FURIN: variants seen among roughly 807,000 people sequenced by gnomAD.
The protein encoded by FURIN is furin, paired basic amino acid cleaving enzyme.
A neutral mutation model predicts 89.2 loss-of-function variants in FURIN; 18 were observed. The observed-to-expected ratio is 0.20, with a 90% CI of 0.14 to 0.30. FURIN has a LOEUF of 0.30. Among genes scored for constraint, FURIN ranks in the 10% least tolerant of loss-of-function variants. FURIN has a pLI of 1.00. For synonymous variants in FURIN, 508 were observed against 466.4 expected (o/e 1.09, Z -1.15); for missense variants, 879 against 1,100.5 (o/e 0.80, Z 2.85).
intron 7 of FURIN, 75 bp downstream of exon 7, chr15:90,877,690 G>A (rs2031712774): frequency 2.1e-6 from 2 of 969,056 alleles, no homozygotes; most frequent in East Asian, 2.7e-5. Flanking sequence ...TTCCCATCTG[G>A]CCAATGCCTG....
At position 90,881,681 on chromosome 15, in the gene FURIN, G is replaced by A. The variant is rs773482678; in HGVS notation, c.2188G>A (p.Val730Ile). 1.4e-4 allele frequency: 215 copies of A among 1,587,484 alleles called. 1 individual carries two copies. In the East Asian group the frequency reaches 4.3e-3, roughly 32 times the overall value. The change falls in exon 16 of 16, where the codon GTC becomes ATC. Residue 730 changes from valine to isoleucine, a missense_variant. By Grantham distance (29) the Val-to-Ile change is conservative. Transcript: ENST00000268171. The surrounding 1 kb of genome is among the most constrained non-coding windows in gnomAD (Gnocchi z 4.3). ...LSCAFIVLVFVTVFLVLQLRS... is the reference protein window; with the variant it reads ...LSCAFIVLVFITVFLVLQLRS... ...CTGCGCCTTCATCGTGCTGGTCTTC[G>A]TCACTGTCTTCCTGGTCCTGCAGCT...
At chr15:90,877,495 T>C in intron 6 of FURIN, 32 bp from the exon 7 acceptor site, 1 of 1,530,502 alleles carries the variant, frequency 6.5e-7, no homozygotes, top group Non-Finnish European at 8.8e-7. Context: ...ACCCCATTTG[T>C]TCTACTCATG....
intron 1 of FURIN, 134 bp downstream of exon 1, chr15:90,868,845 G>A (rs1412278856): frequency 3.9e-5 from 6 of 152,220 alleles, no homozygotes; most frequent in African/African-American, 7.2e-5. Flanking sequence ...CCTTTCATTC[G>A]GAGAGAACAC....
At chr15:90,880,858 T>G in intron 14 of FURIN, 43 bp downstream of exon 14, 3 of 1,611,134 alleles carry the variant, frequency 1.9e-6, no homozygotes, top group Non-Finnish European at 2.5e-6. Flanking sequence ...GGTGGAGGGC[T>G]GGCAGGATCT....
chr15:90,875,518 G>A, intron 1 of FURIN, 64 bp from the exon 2 acceptor site: 1 of 460,598 alleles, frequency 2.2e-6, no homozygotes, highest in Non-Finnish European at 3.8e-6. Context: ...GGGCAGGGCA[G>A]CTTTAGTGCG....
chr15:90,869,973 C>G (rs1041625144), intron 1 of FURIN, among the ~76,000 whole-genome samples: 9 of 152,318 alleles, frequency 5.9e-5, no homozygotes, highest in Non-Finnish European at 1.2e-4. Context: ...CTGGCGCTAC[C>G]CAGTGTGGCC....
At chr15:90,879,327 C>G in intron 9 of FURIN, 117 bp from the exon 10 acceptor site, 2 of 793,762 alleles carry the variant, frequency 2.5e-6, no homozygotes, top group African/African-American at 1.7e-5. Context: ...GTTCTTGGCC[C>G]TGGCTCCCCA....
At chr15:90,873,350 A>T (rs370207966) in intron 1 of FURIN, among the ~76,000 whole-genome samples, 4 of 152,104 alleles carry the variant, frequency 2.6e-5, no homozygotes, top group African/African-American at 9.7e-5. Context: ...GCTGCAAGGT[A>T]ATTAAATAGT....
chr15:90,873,449 T>A (rs189365078), intron 1 of FURIN, among the ~76,000 whole-genome samples: 1 of 152,110 alleles, frequency 6.6e-6, no homozygotes, highest in Non-Finnish European at 1.5e-5. Flanking sequence ...CAGCCTCGAT[T>A]TGGGGGCTCC....
At chr15:90,880,306 C>T (rs111318669) in intron 13 of FURIN, 33 bp downstream of exon 13, 66 of 1,546,110 alleles carry the variant, frequency 4.3e-5, no homozygotes, top group East Asian at 4.1e-4. Context: ...CCCTGCCCAG[C>T]GCCGCCGCCT....
Position 90,877,538 on chromosome 15 carries a change from G to A in FURIN, c.590G>A (p.Arg197Gln). 2 of 1,575,110 alleles carry A rather than the reference G, an allele frequency of 1.3e-6. No individual in the cohort carries two copies. The highest frequency in any genetic ancestry group is 1.7e-6 in the Non-Finnish European group (2 of 1,160,112). The change falls in exon 7 of 16, where the codon CGG (arginine) becomes CAG (glutamine). Residue 197 changes from arginine (R) to glutamine (Q), a missense_variant. By Grantham distance (43) the Arg-to-Gln change is conservative. Coordinates refer to ENST00000268171, the MANE Select transcript of FURIN (RefSeq NM_002569.4). ...CTTGGCCCTGGCAGGCACGGCACAC[G>A]GTGTGCGGGGGAAGTGGCTGCGGTG... ...TQMNDNRHGT[R>Q]CAGEVAAVAN...
At position 90,876,376 on chromosome 15, in the gene FURIN, C is replaced by T; in HGVS notation, c.276+23C>T. ...CAAGTGAGTGTGGCCCCAGCCCCCT[C>T]CTGCTGCCACCCTCCCCCTCCTGCT... On this transcript the variant is annotated intron_variant, in intron 3 of 15. Transcript: ENST00000268171. This position sits in a 1 kb window ranked among gnomAD's most constrained non-coding sequence, Gnocchi z 5.0. 1 of 1,549,682 alleles carries T rather than the reference C, an allele frequency of 6.5e-7. No individual in the cohort carries two copies. Among genetic ancestry groups the T allele is most frequent in the East Asian group, 2.2e-5 (1 of 44,586 alleles).
chr15:90,880,879 G>T (rs768343716), intron 14 of FURIN, 51 bp from the exon 15 acceptor site: 2 of 1,610,244 alleles, frequency 1.2e-6, no homozygotes, highest in Admixed American at 1.7e-5. Context: ...CGAGCACTGG[G>T]TGTGGTGCCA....
chr15:90,880,385 G>GCACT, intron 13 of FURIN, 112 bp downstream of exon 13: 1 of 859,824 alleles, frequency 1.2e-6, no homozygotes, highest in Non-Finnish European at 1.8e-6. Context: ...ACTCAGTGGG[G>GCACT]CACTCTTGGC....
At chr15:90,877,761 T>C (rs759619177) in intron 7 of FURIN, 146 bp downstream of exon 7, 137 of 646,272 alleles carry the variant, frequency 2.1e-4, no homozygotes, top group Non-Finnish European at 3.2e-4. Flanking sequence ...TCCCAAAGGG[T>C]CAAAGACTGA....
chr15:90,875,459 T>C (rs2031557928), intron 1 of FURIN, 123 bp from the exon 2 acceptor site: 1 of 350,596 alleles, frequency 2.9e-6, no homozygotes, highest in Non-Finnish European at 5.1e-6. Flanking sequence ...CTAATTTTTT[T>C]ACCCTTCTCC....
rs1007607468 is a variant in FURIN, at chr15:90,876,643, C to G, written c.372+86C>G. On this transcript the variant is annotated intron_variant, in intron 4 of 15. Transcript: ENST00000268171. The surrounding 1 kb of genome is among the most constrained non-coding windows in gnomAD (Gnocchi z 5.0). ...GCTCTTGGATGGAGGAGGCTGTCTT[C>G]GAGGCCTCCTCTGATTCGTTTCCTT... 1.1e-6 allele frequency: 1 copy of G among 932,574 alleles called. No individual in the cohort carries two copies. Among genetic ancestry groups the G allele is most frequent in the Admixed American group, 1.9e-5 (1 of 51,960 alleles). The allele number at this position is 932,574 out of a possible 1,614,324, so 57.8% of individuals were successfully genotyped here. A position where few individuals can be genotyped will look rare whatever the true frequency, so the allele number is the denominator to read the frequency against.
intron 8 of FURIN, among the ~76,000 whole-genome samples, 170 bp from the exon 9 acceptor site, chr15:90,878,594 G>T (rs2031766535): frequency 1.3e-5 from 2 of 152,118 alleles, no homozygotes; most frequent in Admixed American, 1.3e-4. Flanking sequence ...GATTTTTTGT[G>T]TGCCTAGATA....
chr15:90,871,000 T>C (rs1037779820), intron 1 of FURIN, among the ~76,000 whole-genome samples: 4 of 152,354 alleles, frequency 2.6e-5, no homozygotes, highest in African/African-American at 9.6e-5. Flanking sequence ...GGGCTACTTC[T>C]GCTCATATAT....
Sources: gnomAD v4.1 joint callset for allele counts (sites outside exome capture counted in the v4.1 genomes callset) on GRCh38, gnomAD v4.1.1 for gene constraint, Gnocchi (gnomAD v3.1) non-coding constraint, MANE v1.5 for transcripts, NCBI Gene and HGNC (gene_info 2026-07-23, HGNC 2026-07-21) for gene names.